Variants in SMYD3 observed in about 807,000 individuals in gnomAD.
SMYD3 encodes SET and MYND domain containing 3.
SMYD3 carries 36 observed loss-of-function variants against 57.7 expected under a neutral mutation model. The observed-to-expected ratio is 0.62, with a 90% CI of 0.48 to 0.82. The LOEUF is 0.82. SMYD3 is among the 40% of genes least tolerant of loss of function. The probability of loss-of-function intolerance (pLI) is 0.00; values close to 1 mark genes in which losing one functional copy is unlikely to be tolerated. For missense variants in SMYD3, 515 were observed against 538.8 expected (o/e 0.96, Z 0.44); for synonymous variants, 211 against 195.0 (o/e 1.08, Z -0.68).
chr1:245,781,989 T>A (rs780212016), intron 10 of SMYD3, among the ~76,000 whole-genome samples: 1 of 151,770 alleles, frequency 6.6e-6, no homozygotes, highest in Non-Finnish European at 1.5e-5. Context: ...TATTAACTAA[T>A]CAAAATTTTT....
intron 1 of SMYD3, among the ~76,000 whole-genome samples, chr1:246,356,827 T>C (rs2065917085): frequency 1.3e-5 from 2 of 152,186 alleles, no homozygotes; most frequent in African/African-American, 4.8e-5. Flanking sequence ...ATAATTGGTG[T>C]TCCCAAGACA....
At chr1:246,326,892 A>C in intron 5 of SMYD3, 1 of 373,984 alleles carries the variant, frequency 2.7e-6, no homozygotes, top group Non-Finnish European at 4.7e-6. Flanking sequence ...CATTCACAAA[A>C]AATAATGGGA....
intron 8 of SMYD3, among the ~76,000 whole-genome samples, chr1:245,884,737 GCACTCTGTAAAAACGCACC>G (rs2052985326): frequency 1.3e-5 from 2 of 150,492 alleles, no homozygotes; most frequent in South Asian, 4.2e-4. Context: ...GCACCAATCA[GCACTCTGTAAAAACGCACC>G]AATCAGCGCT....
chr1:245,831,587 G>A (rs892177892), intron 10 of SMYD3, among the ~76,000 whole-genome samples: 7 of 152,244 alleles, frequency 4.6e-5, no homozygotes, highest in Non-Finnish European at 8.8e-5. Context: ...CACAAAGGTT[G>A]TCGATGTTTG....
At chr1:246,414,468 T>G (rs1362875102) in intron 1 of SMYD3, among the ~76,000 whole-genome samples, 1 of 152,112 alleles carries the variant, frequency 6.6e-6, no homozygotes, top group Non-Finnish European at 1.5e-5. Context: ...TCTACAAGGT[T>G]AAGGTTTGAG....
intron 5 of SMYD3, among the ~76,000 whole-genome samples, chr1:246,159,580 A>G (rs1411695409): frequency 6.6e-6 from 1 of 152,190 alleles, no homozygotes; most frequent in Non-Finnish European, 1.5e-5. Context: ...AAAAAATTGA[A>G]ACTCTGTTAG....
At chr1:246,353,355 C>T (rs1290470871) in intron 2 of SMYD3, among the ~76,000 whole-genome samples, 3 of 151,940 alleles carry the variant, frequency 2.0e-5, no homozygotes, top group African/African-American at 4.8e-5. Context: ...AGTGAGATCT[C>T]GTCTCCATTA....
chr1:245,766,810 A>G lies in SMYD3; in HGVS notation c.1077-2661T>C, dbSNP rs548611822. On this transcript the variant is annotated intron_variant, in intron 10 of 11. Transcript: ENST00000490107. The stretch of plus-strand genomic sequence containing the variant: ...ATCTTCAGTTCTACGATGGCAGAGA[A>G]AGCGGTGTGTCATTACGCCATGACA... Among the ~76,000 whole-genome samples the G allele has an allele frequency of 2.6e-5, 4 of 152,362 alleles. No individual in the cohort carries two copies. In the South Asian group the frequency reaches 8.3e-4, roughly 32 times the overall value.
rs181604356 is a variant in SMYD3, at chr1:245,757,542, G to C, written c.1185+6499C>G. 5.9e-5 allele frequency among the ~76,000 whole-genome samples: 9 copies of C among 152,192 alleles called. No homozygotes were observed. In the East Asian group the frequency reaches 1.5e-3, roughly 26 times the overall value. ...CTTTTTCCTTAATGTGTTCTTCTAAGAGTCTAGTAGAAGCTTTTGCTCATA... is the reference window on the plus strand; with the variant it reads ...CTTTTTCCTTAATGTGTTCTTCTAACAGTCTAGTAGAAGCTTTTGCTCATA... On this transcript the variant is annotated intron_variant, in intron 11 of 11. Coordinates refer to ENST00000490107, the MANE Select transcript of SMYD3 (RefSeq NM_001167740.2).
At chr1:245,759,834 G>A (rs1187989349) in intron 11 of SMYD3, among the ~76,000 whole-genome samples, 1 of 151,882 alleles carries the variant, frequency 6.6e-6, no homozygotes, top group Non-Finnish European at 1.5e-5. Flanking sequence ...GATTTTTGCT[G>A]AAAAGCAACT....
At chr1:245,983,405 C>T (rs1036848200) in intron 5 of SMYD3, among the ~76,000 whole-genome samples, 4 of 152,162 alleles carry the variant, frequency 2.6e-5, no homozygotes, top group Non-Finnish European at 4.4e-5. Context: ...TGAAATGAAA[C>T]GACAACCAGC....
intron 5 of SMYD3, among the ~76,000 whole-genome samples, chr1:246,078,025 A>T (rs2060576415): frequency 6.6e-6 from 1 of 152,088 alleles, no homozygotes; most frequent in Non-Finnish European, 1.5e-5. Context: ...AGTGCCTTTC[A>T]TAAAACAAGC....
chr1:246,230,731 A>T (rs2063396790), intron 5 of SMYD3, among the ~76,000 whole-genome samples: 1 of 152,254 alleles, frequency 6.6e-6, no homozygotes, highest in Non-Finnish European at 1.5e-5. Context: ...TTCTGCAATG[A>T]TACAATCTTT....
intron 5 of SMYD3, among the ~76,000 whole-genome samples, chr1:246,204,927 G>T (rs930510100): frequency 9.2e-5 from 14 of 152,164 alleles, no homozygotes; most frequent in Non-Finnish European, 1.9e-4. Context: ...AACTTCATTT[G>T]CAGGAGAAAT....
intron 1 of SMYD3, among the ~76,000 whole-genome samples, chr1:246,393,031 T>C (rs2066598085): frequency 6.6e-6 from 1 of 152,112 alleles, no homozygotes; most frequent in Admixed American, 6.6e-5. Flanking sequence ...TACTTACTGG[T>C]GGGAAAGTAA....
At chr1:245,944,037 T>C (rs569363639) in intron 5 of SMYD3, among the ~76,000 whole-genome samples, 1 of 152,262 alleles carries the variant, frequency 6.6e-6, no homozygotes, top group African/African-American at 2.4e-5. Flanking sequence ...AATGTCATAC[T>C]GAATGGGCAA....
At chr1:245,964,796 T>TTAA (rs1553375138) in intron 5 of SMYD3, among the ~76,000 whole-genome samples, 41 of 131,342 alleles carry the variant, frequency 3.1e-4, no homozygotes, top group African/African-American at 1.1e-3. Flanking sequence ...ACAAAGATTG[T>TTAA]AAAAAAAAAA....
intron 1 of SMYD3, among the ~76,000 whole-genome samples, chr1:246,481,888 G>A (rs1433435656): frequency 6.6e-6 from 1 of 151,666 alleles, no homozygotes; most frequent in Non-Finnish European, 1.5e-5. Context: ...TGGGTGTAAT[G>A]GCTCACACTT....
chr1:245,845,725 C>T (rs1257863025), intron 10 of SMYD3, among the ~76,000 whole-genome samples: 1 of 152,256 alleles, frequency 6.6e-6, no homozygotes, highest in African/African-American at 2.4e-5. Flanking sequence ...CGGAGAGCTG[C>T]TGCTTCCTTC....
Sources: gnomAD v4.1 joint callset for allele counts (sites outside exome capture counted in the v4.1 genomes callset) on GRCh38, gnomAD v4.1.1 for gene constraint, MANE v1.5 for transcripts, NCBI Gene and HGNC (gene_info 2026-07-23, HGNC 2026-07-21) for gene names.